The following EGFLAM variants were observed in gnomAD, a reference collection of about 807,000 sequenced individuals.
EGFLAM encodes EGF like, fibronectin type III and laminin G domains, also known as pikachurin.
A neutral mutation model predicts 113.1 loss-of-function variants in EGFLAM; 79 were observed. The observed-to-expected ratio is 0.70, with a 90% CI of 0.58 to 0.84. The LOEUF is 0.84. Among genes scored for constraint, EGFLAM ranks in the 40% least tolerant of loss-of-function variants. The pLI is 0.00. For synonymous variants in EGFLAM, 504 were observed against 487.6 expected, an observed-to-expected ratio of 1.03 and a Z score of -0.44; for missense variants, 1,265 against 1,291.6, an observed-to-expected ratio of 0.98 and a Z score of 0.32.
At chr5:38,455,222 T>A (rs1366416402) in intron 19 of EGFLAM, among the ~76,000 whole-genome samples, 2 of 152,072 alleles carry the variant, frequency 1.3e-5, no homozygotes, top group Non-Finnish European at 2.9e-5. Context: ...GGTGGCCGAG[T>A]GGTTTCCAAA....
intron 1 of EGFLAM, among the ~76,000 whole-genome samples, chr5:38,294,770 TATTA>T (rs1222632982): frequency 1.3e-5 from 2 of 152,236 alleles, no homozygotes; most frequent in Non-Finnish European, 2.9e-5. Context: ...ATCCAAATGA[TATTA>T]ATTAAGGTTT....
At chr5:38,359,830 A>G (rs1298694862) in intron 5 of EGFLAM, among the ~76,000 whole-genome samples, 1 of 152,204 alleles carries the variant, frequency 6.6e-6, no homozygotes, top group African/African-American at 2.4e-5. Flanking sequence ...AAAGCTTCCC[A>G]TCTTCTTCCT....
intron 19 of EGFLAM, among the ~76,000 whole-genome samples, chr5:38,455,445 G>A (rs1743056278): frequency 6.6e-6 from 1 of 152,196 alleles, no homozygotes; most frequent in African/African-American, 2.4e-5. Context: ...CCTGTTCAGT[G>A]TAGAGCTTGA....
At chr5:38,283,519 C>T (rs532188896) in intron 1 of EGFLAM, among the ~76,000 whole-genome samples, 8 of 152,180 alleles carry the variant, frequency 5.3e-5, no homozygotes, top group Non-Finnish European at 7.3e-5. Flanking sequence ...ACAGCATAGC[C>T]TCCTAAGGCT....
chr5:38,259,529 A>G (rs529472369), intron 1 of EGFLAM, among the ~76,000 whole-genome samples: 13 of 152,368 alleles, frequency 8.5e-5, no homozygotes, highest in African/African-American at 2.6e-4. Context: ...CTAGCTGCAT[A>G]TAGGTAAAAA....
chr5:38,414,466 GA>G (rs1163840005), intron 11 of EGFLAM, among the ~76,000 whole-genome samples: 1 of 152,192 alleles, frequency 6.6e-6, no homozygotes, highest in Non-Finnish European at 1.5e-5. Context: ...GTGGTAACAA[GA>G]AGCTAAAGAA....
At chr5:38,263,681 G>A (rs924655989) in intron 1 of EGFLAM, among the ~76,000 whole-genome samples, 6 of 152,092 alleles carry the variant, frequency 3.9e-5, no homozygotes, top group South Asian at 2.1e-4. Flanking sequence ...TAAATGGCTC[G>A]TGCTGTTTTT....
At chr5:38,365,438 G>T (rs183165107) in intron 5 of EGFLAM, among the ~76,000 whole-genome samples, 149 of 152,280 alleles carry the variant, frequency 9.8e-4, no homozygotes, top group African/African-American at 3.4e-3. Flanking sequence ...CATTTGCCAT[G>T]TGTTGGTGTT....
At chr5:38,396,835 T>A (rs989155600) in intron 6 of EGFLAM, among the ~76,000 whole-genome samples, 4 of 152,174 alleles carry the variant, frequency 2.6e-5, no homozygotes, top group Non-Finnish European at 1.5e-5. Context: ...TGCCTATGTA[T>A]CTCCTCCATC....
intron 1 of EGFLAM, among the ~76,000 whole-genome samples, chr5:38,266,022 C>T (rs1443134150): frequency 6.6e-6 from 1 of 152,244 alleles, no homozygotes; most frequent in Non-Finnish European, 1.5e-5. Context: ...CAACATGTTG[C>T]TCTGGGCATC....
intron 1 of EGFLAM, among the ~76,000 whole-genome samples, chr5:38,319,545 G>A (rs767049694): frequency 3.3e-5 from 5 of 152,124 alleles, no homozygotes; most frequent in South Asian, 2.1e-4. Flanking sequence ...GACATTCTAC[G>A]GGCTATTGGG....
At chr5:38,328,404 C>G (rs1021079539) in intron 1 of EGFLAM, among the ~76,000 whole-genome samples, 1 of 152,158 alleles carries the variant, frequency 6.6e-6, no homozygotes, top group Non-Finnish European at 1.5e-5. Flanking sequence ...ATATTAGTAG[C>G]CTTCTCTTCT....
chr5:38,464,256 C>G lies in EGFLAM; in HGVS notation c.*270C>G, dbSNP rs961916360. On this transcript the variant is annotated 3_prime_UTR_variant, in exon 22 of 22. Coordinates refer to ENST00000322350, the MANE Select transcript of EGFLAM (RefSeq NM_152403.4). ...TGAATATGTAGCGGCTGCCAGAGAT[C>G]ACACATCAATGCAAATTCCAGAGCC... 4.6e-6 allele frequency: 2 copies of G among 436,418 alleles called. No homozygotes were observed. Among genetic ancestry groups the G allele is most frequent in the South Asian group, 8.1e-5 (2 of 24,838 alleles). The allele number at this position is 436,418 out of a possible 1,614,324, so 27.0% of individuals were successfully genotyped here.
In EGFLAM at chr5:38,412,665, C is replaced by T. The variant is rs1193611978; in HGVS notation, c.1494+17C>T. The T allele has an allele frequency of 2.5e-6, 4 of 1,610,984 alleles. No homozygotes were observed. The highest frequency in any genetic ancestry group is 1.1e-5 in the South Asian group (1 of 90,822). ...CAGTCTCAGGTATGTATGAGCCCCA[C>T]ACCCTGCCCACCCCACATACCACCC... On this transcript the variant is annotated intron_variant, in intron 11 of 21. Transcript: ENST00000322350.
At chr5:38,418,701 C>T (rs1741733998) in intron 12 of EGFLAM, among the ~76,000 whole-genome samples, 1 of 152,214 alleles carries the variant, frequency 6.6e-6, no homozygotes, top group Non-Finnish European at 1.5e-5. Context: ...AACATCTTCT[C>T]ATATGCTCTC....
At chr5:38,293,021 T>C (rs565677002) in intron 1 of EGFLAM, among the ~76,000 whole-genome samples, 45 of 152,362 alleles carry the variant, frequency 3.0e-4, no homozygotes, top group African/African-American at 1.1e-3. Context: ...AGGTTGCAGC[T>C]TTTATTTCTG....
intron 1 of EGFLAM, among the ~76,000 whole-genome samples, chr5:38,269,688 A>G (rs999310938): frequency 6.6e-6 from 1 of 151,942 alleles, no homozygotes; most frequent in Non-Finnish European, 1.5e-5. Context: ...ACGGGGTTTC[A>G]CTGTGTTAGC....
intron 11 of EGFLAM, among the ~76,000 whole-genome samples, chr5:38,416,130 A>C (rs950419320): frequency 2.0e-5 from 3 of 152,210 alleles, no homozygotes; most frequent in African/African-American, 7.2e-5. Context: ...GATTGCCTCC[A>C]TACTAATGAG....
chr5:38,409,400 G>A (rs991345433), intron 10 of EGFLAM, among the ~76,000 whole-genome samples: 5 of 152,142 alleles, frequency 3.3e-5, no homozygotes, highest in African/African-American at 1.2e-4. Context: ...CATACCTGAT[G>A]CTGCAGGTGC....
Sources: gnomAD v4.1 joint callset for allele counts (sites outside exome capture counted in the v4.1 genomes callset) on GRCh38, gnomAD v4.1.1 for gene constraint, MANE v1.5 for transcripts, NCBI Gene and HGNC (gene_info 2026-07-23, HGNC 2026-07-21) for gene names.